SYT17: variants seen among roughly 807,000 people sequenced by gnomAD.
SYT17 encodes synaptotagmin-17.
In SYT17, 22 loss-of-function variants were observed where a neutral mutation model predicts 46.7. The observed-to-expected ratio is 0.47, with a 90% CI of 0.34 to 0.67. SYT17 has a LOEUF of 0.67. Ranked by LOEUF, SYT17 falls within the 30% of genes least tolerant of loss-of-function variation. The pLI is 0.01. For synonymous variants in SYT17, 251 were observed against 248.4 expected (o/e 1.01, Z -0.10); for missense variants, 519 against 612.8 (o/e 0.85, Z 1.62).
At chr16:19,212,213 TC>T (rs1469566454) in intron 5 of SYT17, among the ~76,000 whole-genome samples, 1 of 152,102 alleles carries the variant, frequency 6.6e-6, no homozygotes, top group Non-Finnish European at 1.5e-5. Flanking sequence ...ACAGGACAGC[TC>T]CCACAACACA....
chr16:19,168,614 T>A lies in SYT17; in HGVS notation c.-33T>A. The A allele has an allele frequency of 6.5e-7, 1 of 1,541,058 alleles. No individual in the cohort carries two copies. Among genetic ancestry groups the A allele is most frequent in the African/African-American group, 1.4e-5 (1 of 71,462 alleles). On this transcript the variant is annotated 5_prime_UTR_variant, in exon 1 of 8. The change abolishes an upstream ATG in the 5' untranslated region. Transcript: ENST00000355377. This position sits in a 1 kb window ranked among gnomAD's most constrained non-coding sequence, Gnocchi z 6.9. ...GGGCAAAGTGGCCGTGGCGGCGCCA[T>A]GCCCGGGCCGGAGTGAGTGCGCGCG...
At chr16:19,212,575 T>A (rs1159731365) in intron 5 of SYT17, among the ~76,000 whole-genome samples, 1 of 152,142 alleles carries the variant, frequency 6.6e-6, no homozygotes, top group Non-Finnish European at 1.5e-5. Flanking sequence ...GAGCCAAGAT[T>A]GTGCCAGGGC....
chr16:19,220,535 A>T (rs962048837), intron 5 of SYT17, among the ~76,000 whole-genome samples: 5 of 151,888 alleles, frequency 3.3e-5, no homozygotes, highest in African/African-American at 1.2e-4. Context: ...GTGACCTTAG[A>T]TGATCCACCC....
At chr16:19,181,943 G>C (rs1320651369) in intron 4 of SYT17, among the ~76,000 whole-genome samples, 1 of 148,456 alleles carries the variant, frequency 6.7e-6, no homozygotes, top group African/African-American at 2.5e-5. Context: ...AGGTTGCAGT[G>C]AGCCGAGATT....
chr16:19,216,015 T>G (rs1966083741), intron 5 of SYT17, among the ~76,000 whole-genome samples: 1 of 152,090 alleles, frequency 6.6e-6, no homozygotes, highest in Non-Finnish European at 1.5e-5. Flanking sequence ...AAGACTTGCC[T>G]CCATGATTCA....
In SYT17 at chr16:19,184,594, C is replaced by T. The variant is rs182290247; in HGVS notation, c.951+447C>T. Among the ~76,000 whole-genome samples, 1,102 of 151,560 alleles carry T rather than the reference C, an allele frequency of 7.3e-3. 16 individuals carry two copies. Among genetic ancestry groups the T allele is most frequent in the African/African-American group, 0.026 (1,053 of 41,294 alleles). Reference sequence around the variant, plus strand: ...TTTTTTTTAGTAGAGATGAGGTTTTCCGTGTTATCCAGGATGGTCTCGATC... The same window carrying T: ...TTTTTTTTAGTAGAGATGAGGTTTTTCGTGTTATCCAGGATGGTCTCGATC... On this transcript the variant is annotated intron_variant, in intron 5 of 7. Transcript: ENST00000355377.
At chr16:19,232,015 T>C (rs1249278212) in intron 7 of SYT17, among the ~76,000 whole-genome samples, 1 of 152,112 alleles carries the variant, frequency 6.6e-6, no homozygotes, top group Admixed American at 6.5e-5. Context: ...CAAGGAGGTA[T>C]TAATCAGCAG....
chr16:19,214,584 T>A (rs991489113), intron 5 of SYT17, among the ~76,000 whole-genome samples: 1 of 152,108 alleles, frequency 6.6e-6, no homozygotes, highest in African/African-American at 2.4e-5. Context: ...CCCAGGGACA[T>A]TTTTGTCCCT....
At chr16:19,260,069 A>C (rs2143001367) in intron 7 of SYT17, among the ~76,000 whole-genome samples, 1 of 152,164 alleles carries the variant, frequency 6.6e-6, no homozygotes, top group South Asian at 2.1e-4. Flanking sequence ...TTATTATCTA[A>C]AGACCTGAAA....
At chr16:19,194,271 A>C (rs772993654) in intron 5 of SYT17, among the ~76,000 whole-genome samples, 3 of 152,134 alleles carry the variant, frequency 2.0e-5, no homozygotes, top group Non-Finnish European at 4.4e-5. Context: ...AAGAAAATCT[A>C]TAGCTGTCTC....
rs367729346 is a variant in SYT17 at position 19,185,158 on chromosome 16, TTCCCCTCCTTCCTCCC to T, written c.951+1021_951+1036del. Among the ~76,000 whole-genome samples, 918 of 149,280 alleles carry T rather than the reference TTCCCCTCCTTCCTCCC, an allele frequency of 6.1e-3. 7 individuals are homozygous for T. The highest frequency in any genetic ancestry group is 0.021 in the African/African-American group (860 of 40,958). ...CCCTCTTCCCTCCCTTTCTCCCTCC[TTCCCCTCCTTCCTCCC>T]TCCCCTCCTCCCCTCTTCCCTTCCT... is the stretch of plus-strand genomic sequence containing the variant. On this transcript the variant is annotated intron_variant, in intron 5 of 7. Coordinates refer to ENST00000355377, the MANE Select transcript of SYT17 (RefSeq NM_016524.4).
chr16:19,245,955 G>A (rs868138274), intron 7 of SYT17, among the ~76,000 whole-genome samples: 10 of 152,120 alleles, frequency 6.6e-5, no homozygotes, highest in Middle Eastern at 6.8e-3. Flanking sequence ...ATATGCATAT[G>A]CATGTATGCA....
chr16:19,248,020 C>T (rs923190298), intron 7 of SYT17, among the ~76,000 whole-genome samples: 2 of 152,160 alleles, frequency 1.3e-5, no homozygotes, highest in Non-Finnish European at 2.9e-5. Flanking sequence ...GCTCTTGTAA[C>T]TCAATAAGAC....
At chr16:19,193,201 A>G (rs1314210026) in intron 5 of SYT17, among the ~76,000 whole-genome samples, 6 of 152,162 alleles carry the variant, frequency 3.9e-5, no homozygotes, top group African/African-American at 1.4e-4. Flanking sequence ...TGCACCCAAT[A>G]CAGGGCTGCC....
At chr16:19,219,408 CAAAAAAAAAAAAA>C (rs1245756343) in intron 5 of SYT17, among the ~76,000 whole-genome samples, 3 of 1,346 alleles carry the variant, frequency 2.2e-3, no homozygotes, top group Non-Finnish European at 3.5e-3. Flanking sequence ...GACTCCGTCT[CAAAAAAAAAAAAA>C]AAAAAAAAAA....
intron 5 of SYT17, among the ~76,000 whole-genome samples, chr16:19,199,685 A>G (rs1222459606): frequency 6.6e-6 from 1 of 152,178 alleles, no homozygotes; most frequent in Admixed American, 6.5e-5. Flanking sequence ...GCAGTGAGTT[A>G]TGATTGCACC....
At chr16:19,190,178 T>C (rs1964955791) in intron 5 of SYT17, among the ~76,000 whole-genome samples, 1 of 152,118 alleles carries the variant, frequency 6.6e-6, no homozygotes, top group African/African-American at 2.4e-5. Context: ...AAAAAATTAT[T>C]AGCTAACATG....
intron 5 of SYT17, among the ~76,000 whole-genome samples, chr16:19,202,406 G>T (rs1488220003): frequency 6.6e-6 from 1 of 152,236 alleles, no homozygotes; most frequent in Non-Finnish European, 1.5e-5. Flanking sequence ...CATGAGGCAG[G>T]GGGTTGTGTG....
At chr16:19,244,911 G>C (rs1967422045) in intron 7 of SYT17, among the ~76,000 whole-genome samples, 1 of 152,182 alleles carries the variant, frequency 6.6e-6, no homozygotes, top group African/African-American at 2.4e-5. Flanking sequence ...GAGAGGCTGG[G>C]AAATGTAGTC....
Sources: allele counts gnomAD v4.1 joint callset (sites outside exome capture counted in the v4.1 genomes callset), GRCh38; gene constraint gnomAD v4.1.1; non-coding constraint Gnocchi (gnomAD v3.1); transcripts MANE v1.5; gene names NCBI Gene and HGNC (gene_info 2026-07-23, HGNC 2026-07-21).